Variants in DOCK2 observed in about 807,000 individuals in gnomAD.
The protein encoded by DOCK2 is dedicator of cytokinesis 2.
In DOCK2, 87 loss-of-function variants were observed where a neutral mutation model predicts 248.9. That is an observed-to-expected ratio of 0.35 (90% CI 0.29 to 0.42). The LOEUF (loss-of-function observed/expected upper bound fraction) is 0.42. DOCK2 is among the 10% of genes least tolerant of loss of function. DOCK2 has a pLI of 1.00. For missense variants in DOCK2, 1,747 were observed against 2,300.2 expected, an observed-to-expected ratio of 0.76 and a Z score of 4.92; for synonymous variants, 805 against 821.6, an observed-to-expected ratio of 0.98 and a Z score of 0.35.
intron 22 of DOCK2, among the ~76,000 whole-genome samples, chr5:169,724,030 G>A (rs1166955394): frequency 2.0e-5 from 3 of 152,208 alleles, no homozygotes; most frequent in African/African-American, 7.2e-5. Flanking sequence ...ACACAGCTAA[G>A]AAATATAGCA....
At chr5:169,667,879 A>G (rs558085963) in intron 2 of DOCK2, among the ~76,000 whole-genome samples, 1 of 152,364 alleles carries the variant, frequency 6.6e-6, no homozygotes, top group African/African-American at 2.4e-5. Context: ...TGAAAATAGA[A>G]TGTGATGCTT....
intron 7 of DOCK2, among the ~76,000 whole-genome samples, chr5:169,683,987 G>C (rs1459589487): frequency 1.3e-5 from 2 of 152,124 alleles, no homozygotes; most frequent in African/African-American, 4.8e-5. Flanking sequence ...AGAAGTCTGG[G>C]TCAATGGTGA....
At chr5:170,080,739 G>A (rs557016406) in intron 50 of DOCK2, 12 of 163,362 alleles carry the variant, frequency 7.3e-5, no homozygotes, top group African/African-American at 1.2e-4. Flanking sequence ...ATCTGCCACC[G>A]TCGTCACTCA....
intron 45 of DOCK2, 43 bp from the exon 46 acceptor site, chr5:170,069,094 C>T (rs1323543532): frequency 6.4e-7 from 1 of 1,573,860 alleles, no homozygotes; most frequent in African/African-American, 1.4e-5. Context: ...CTGTGAAATG[C>T]CACATGAACA....
chr5:169,720,762 A>T (rs1014669628), intron 22 of DOCK2, among the ~76,000 whole-genome samples: 1 of 152,002 alleles, frequency 6.6e-6, no homozygotes, highest in African/African-American at 2.4e-5. Flanking sequence ...CACTAGAGCA[A>T]TGGCGCAATC....
chr5:169,864,355 G>A (rs1360972069), intron 27 of DOCK2: 1 of 1,551,442 alleles, frequency 6.4e-7, no homozygotes, highest in Non-Finnish European at 8.7e-7. Context: ...GGGTTCTGCT[G>A]GGGACTTTGG....
chr5:169,650,771 T>C (rs1757760024), intron 1 of DOCK2, among the ~76,000 whole-genome samples: 1 of 152,172 alleles, frequency 6.6e-6, no homozygotes. Context: ...TGGGTGGGCT[T>C]GTCAGGATAC....
chr5:169,695,643 G>A (rs1283170055), intron 9 of DOCK2, among the ~76,000 whole-genome samples, 160 bp from the exon 10 acceptor site: 1 of 152,134 alleles, frequency 6.6e-6, no homozygotes, highest in Admixed American at 6.5e-5. Flanking sequence ...ATGGATGTGA[G>A]AGCCTTGTTT....
At chr5:170,071,747 T>C (rs1167965508) in intron 46 of DOCK2, among the ~76,000 whole-genome samples, 1 of 152,200 alleles carries the variant, frequency 6.6e-6, no homozygotes, top group African/African-American at 2.4e-5. Flanking sequence ...GTTCTGTTTT[T>C]ATAGTAATCA....
At chr5:169,859,937 C>T (rs980148281) in intron 27 of DOCK2, among the ~76,000 whole-genome samples, 43 of 143,516 alleles carry the variant, frequency 3.0e-4, no homozygotes, top group African/African-American at 1.1e-3. Flanking sequence ...CATTAACTGT[C>T]GTGGTTTCTG....
At chr5:170,060,686 G>C (rs1757298172) in intron 44 of DOCK2, among the ~76,000 whole-genome samples, 1 of 152,216 alleles carries the variant, frequency 6.6e-6, no homozygotes, top group Non-Finnish European at 1.5e-5. Context: ...GCAGCTCATA[G>C]GATTCCTGGG....
chr5:169,966,358 G>A (rs1423854735), intron 27 of DOCK2, among the ~76,000 whole-genome samples: 1 of 152,206 alleles, frequency 6.6e-6, no homozygotes, highest in African/African-American at 2.4e-5. Context: ...CTGTGCCTGT[G>A]TAGCTTTACC....
chr5:169,705,730 C>T (rs546115997), intron 14 of DOCK2, among the ~76,000 whole-genome samples: 6 of 152,328 alleles, frequency 3.9e-5, no homozygotes, highest in Admixed American at 1.3e-4. Flanking sequence ...AGAACACTGT[C>T]TTTCCTAAAG....
intron 27 of DOCK2, among the ~76,000 whole-genome samples, chr5:169,844,866 T>G (rs1197817248): frequency 1.3e-5 from 2 of 152,152 alleles, no homozygotes; most frequent in African/African-American, 4.8e-5. Context: ...AGAGATCCTG[T>G]GTGAATTAAA....
chr5:169,689,573 C>T (rs1023154085), intron 9 of DOCK2, among the ~76,000 whole-genome samples: 34 of 152,202 alleles, frequency 2.2e-4, no homozygotes, highest in Admixed American at 1.3e-3. Context: ...CCTGCACACA[C>T]AGAGAACATA....
At chr5:169,665,818 T>G (rs1376541275) in intron 2 of DOCK2, among the ~76,000 whole-genome samples, 1 of 152,160 alleles carries the variant, frequency 6.6e-6, no homozygotes, top group Non-Finnish European at 1.5e-5. Flanking sequence ...TCTCTAGACC[T>G]TGGATTCTTT....
chr5:169,926,148 G>C (rs1339499935), intron 27 of DOCK2, among the ~76,000 whole-genome samples: 1 of 152,152 alleles, frequency 6.6e-6, no homozygotes, highest in African/African-American at 2.4e-5. Context: ...AGGCCAAAGG[G>C]ATCCAGGAGT....
intron 27 of DOCK2, chr5:169,882,975 A>G: frequency 1.3e-6 from 2 of 1,551,656 alleles, no homozygotes; most frequent in Non-Finnish European, 1.7e-6. Flanking sequence ...GGGAACTGTG[A>G]GTCCGTGGAG....
At chr5:170,010,294 G>A (rs1755236450) in intron 32 of DOCK2, among the ~76,000 whole-genome samples, 1 of 152,132 alleles carries the variant, frequency 6.6e-6, no homozygotes, top group African/African-American at 2.4e-5. Flanking sequence ...TTTCTAGAAA[G>A]GCATGTCTTT....
Sources: allele counts gnomAD v4.1 joint callset (sites outside exome capture counted in the v4.1 genomes callset), GRCh38; gene constraint gnomAD v4.1.1; transcripts MANE v1.5; gene names NCBI Gene and HGNC (gene_info 2026-07-23, HGNC 2026-07-21).